Variants in FAM174A observed in about 807,000 individuals in gnomAD.
FAM174A encodes membrane protein FAM174A.
A neutral mutation model predicts 14.3 loss-of-function variants in FAM174A; 14 were observed. That is an observed-to-expected ratio of 0.98 (90% CI 0.65 to 1.53). The LOEUF (loss-of-function observed/expected upper bound fraction) is 1.53. Among genes scored for constraint, FAM174A ranks in the 40% most tolerant of loss-of-function variants. The pLI is 0.00. For missense variants in FAM174A, 241 were observed against 249.6 expected (o/e 0.97, Z 0.23); for synonymous variants, 108 against 111.4 (o/e 0.97, Z 0.19).
chr5:100,575,591 AC>A (rs1445954299), intron 2 of FAM174A, among the ~76,000 whole-genome samples: 5 of 152,100 alleles, frequency 3.3e-5, no homozygotes, highest in African/African-American at 1.2e-4. Flanking sequence ...CTAGAAGAAA[AC>A]CTAGGCAATA....
chr5:100,547,834 A>ATT (rs559528362), intron 1 of FAM174A, among the ~76,000 whole-genome samples: 2 of 147,484 alleles, frequency 1.4e-5, no homozygotes, highest in South Asian at 2.1e-4. Context: ...ACAAGGAAAT[A>ATT]TTTTTTTTTT....
At chr5:100,567,003 G>A (rs929645885) in intron 2 of FAM174A, among the ~76,000 whole-genome samples, 1 of 151,768 alleles carries the variant, frequency 6.6e-6, no homozygotes. Flanking sequence ...AGTTACAGCA[G>A]GAAAGGCAGA....
intron 1 of FAM174A, among the ~76,000 whole-genome samples, chr5:100,557,171 A>G (rs895859452): frequency 1.3e-5 from 2 of 152,132 alleles, no homozygotes; most frequent in Non-Finnish European, 2.9e-5. Context: ...GAATTTTGTC[A>G]AAGGCCTTTT....
intron 1 of FAM174A, among the ~76,000 whole-genome samples, chr5:100,548,802 T>C (rs1370503345): frequency 1.3e-5 from 2 of 152,162 alleles, no homozygotes; most frequent in Non-Finnish European, 2.9e-5. Flanking sequence ...AATCGCATGC[T>C]TTTACATCTA....
At chr5:100,545,591 G>T (rs549564174) in intron 1 of FAM174A, among the ~76,000 whole-genome samples, 1 of 152,182 alleles carries the variant, frequency 6.6e-6, no homozygotes, top group Non-Finnish European at 1.5e-5. Flanking sequence ...TAGTTATACT[G>T]TAATTTTATG....
At chr5:100,561,396 AG>A (rs1746519291) in intron 1 of FAM174A, among the ~76,000 whole-genome samples, 1 of 151,924 alleles carries the variant, frequency 6.6e-6, no homozygotes, top group Admixed American at 6.6e-5. Context: ...GTAACTTCCT[AG>A]GTGACTGTGA....
chr5:100,571,661 AGTGTGTGTGTG>A (rs1746781261), intron 2 of FAM174A, among the ~76,000 whole-genome samples: 1 of 120,722 alleles, frequency 8.3e-6, no homozygotes, highest in South Asian at 2.4e-4. Context: ...TATATACCTA[AGTGTGTGTGTG>A]TATATATATA....
intron 1 of FAM174A, among the ~76,000 whole-genome samples, chr5:100,553,070 G>T (rs1158241613): frequency 6.6e-6 from 1 of 151,816 alleles, no homozygotes; most frequent in African/African-American, 2.4e-5. Flanking sequence ...ATATCTACAT[G>T]TGTGTGTATA....
intron 2 of FAM174A, among the ~76,000 whole-genome samples, chr5:100,566,779 A>ACT (rs1471277565): frequency 2.0e-5 from 3 of 152,034 alleles, no homozygotes; most frequent in South Asian, 4.1e-4. Context: ...AGAAATAAAA[A>ACT]GTTCATGAAA....
At chr5:100,577,892 G>A (rs1288994618) in intron 2 of FAM174A, among the ~76,000 whole-genome samples, 1 of 151,992 alleles carries the variant, frequency 6.6e-6, no homozygotes, top group Non-Finnish European at 1.5e-5. Flanking sequence ...TGATGAAAAA[G>A]AAATATTTGG....
Position 100,535,979 on chromosome 5 carries a change from C to T in FAM174A, c.434+15C>T. 3 of 1,547,640 alleles carry T rather than the reference C, an allele frequency of 1.9e-6. No individual in the cohort carries two copies. Among genetic ancestry groups the T allele is most frequent in the Non-Finnish European group, 2.6e-6 (3 of 1,142,188 alleles). ...AGGACGGTCAGGTGAGGCAAAGCCTCGGTGGGGCACCCCCGTGGGCCTGAG... is the reference window on the plus strand; with the variant it reads ...AGGACGGTCAGGTGAGGCAAAGCCTTGGTGGGGCACCCCCGTGGGCCTGAG... On this transcript the variant is annotated intron_variant, in intron 1 of 2. Transcript: ENST00000312637.
chr5:100,557,774 G>A (rs201328051), intron 1 of FAM174A, among the ~76,000 whole-genome samples: 4 of 151,944 alleles, frequency 2.6e-5, no homozygotes, highest in East Asian at 1.9e-4. Context: ...CCATGGGATC[G>A]GTGGTCATAT....
At chr5:100,550,581 G>A (rs754888515) in intron 1 of FAM174A, among the ~76,000 whole-genome samples, 1 of 152,144 alleles carries the variant, frequency 6.6e-6, no homozygotes, top group Non-Finnish European at 1.5e-5. Flanking sequence ...AACAGATACA[G>A]CTCCTGCTCT....
At chr5:100,585,848 TTCAACAG>T (rs1453014629) in intron 2 of FAM174A, among the ~76,000 whole-genome samples, 2 of 152,218 alleles carry the variant, frequency 1.3e-5, no homozygotes, top group Non-Finnish European at 2.9e-5. Context: ...ACCCATGTCA[TTCAACAG>T]TCAACTGTAT....
Position 100,553,321 on chromosome 5 carries a change from G to C in FAM174A, c.435-8733G>C, listed in dbSNP as rs982908682. On this transcript the variant is annotated intron_variant, in intron 1 of 2. Coordinates refer to ENST00000312637, the MANE Select transcript of FAM174A (RefSeq NM_198507.3). ...TGCTTAATGTTTGTTAGTATTTTCA[G>C]TAGTGTTTGTTGAATCACCCAAGTT... Among the ~76,000 whole-genome samples the C allele has an allele frequency of 7.9e-5, 12 of 151,988 alleles. 1 individual carries two copies.
At chr5:100,578,869 A>G (rs1746951144) in intron 2 of FAM174A, among the ~76,000 whole-genome samples, 1 of 151,608 alleles carries the variant, frequency 6.6e-6, no homozygotes, top group South Asian at 2.1e-4. Flanking sequence ...GCATAGCCCA[A>G]TGTGTTGCAT....
At chr5:100,574,804 A>G (rs1746868972) in intron 2 of FAM174A, among the ~76,000 whole-genome samples, 1 of 152,158 alleles carries the variant, frequency 6.6e-6, no homozygotes, top group South Asian at 2.1e-4. Flanking sequence ...ATAAAAGGGA[A>G]TTTTTATTTC....
intron 2 of FAM174A, among the ~76,000 whole-genome samples, chr5:100,582,983 G>A (rs949892385): frequency 3.3e-5 from 5 of 152,046 alleles, no homozygotes; most frequent in Admixed American, 3.3e-4. Flanking sequence ...GCTGTTAACT[G>A]GAAGACTTAC....
Position 100,535,706 on chromosome 5 carries a change from G to A in FAM174A, c.176G>A (p.Gly59Asp). The change falls in exon 1 of 3, where the codon GGC becomes GAC. Residue 59 changes from glycine (G) to aspartate (D), a missense_variant. Gly to Asp is a moderately conservative substitution (Grantham distance 94). Transcript: ENST00000312637. ...CGGACATTACCGCCGCTGCCACCGG[G>A]CCCTACCCCTGCCCAGCAGCCGGGC... ...RPRTLPPLPP[G>D]PTPAQQPGRG... The A allele has an allele frequency of 6.2e-7, 1 of 1,607,410 alleles. No homozygotes were observed. Among genetic ancestry groups the A allele is most frequent in the Non-Finnish European group, 8.5e-7 (1 of 1,178,202 alleles).
Sources: gnomAD v4.1 joint callset for allele counts (sites outside exome capture counted in the v4.1 genomes callset) on GRCh38, gnomAD v4.1.1 for gene constraint, MANE v1.5 for transcripts, NCBI Gene and HGNC (gene_info 2026-07-23, HGNC 2026-07-21) for gene names.